The following NRG3 variants were observed in gnomAD, a reference collection of about 807,000 sequenced individuals.
NRG3 encodes neuregulin 3, also known as pro-neuregulin-3, membrane-bound isoform.
In NRG3, 31 loss-of-function variants were observed where a neutral mutation model predicts 66.9. That is an observed-to-expected ratio of 0.46 (90% CI 0.35 to 0.63). The LOEUF (loss-of-function observed/expected upper bound fraction) is 0.63. NRG3 is among the 20% of genes least tolerant of loss of function. The probability of loss-of-function intolerance (pLI) is 0.00; values close to 1 mark genes in which losing one functional copy is unlikely to be tolerated. For synonymous variants in NRG3, 393 were observed against 359.4 expected, an observed-to-expected ratio of 1.09 and a Z score of -1.06; for missense variants, 910 against 878.9, an observed-to-expected ratio of 1.04 and a Z score of -0.45.
At chr10:82,539,876 C>T (rs554973889) in intron 2 of NRG3, among the ~76,000 whole-genome samples, 2 of 152,254 alleles carry the variant, frequency 1.3e-5, no homozygotes, top group African/African-American at 4.8e-5. Context: ...TCGTGATCCA[C>T]CCACCTTGGC....
intron 5 of NRG3, among the ~76,000 whole-genome samples, chr10:82,953,524 C>A (rs1849729302): frequency 6.6e-6 from 1 of 151,958 alleles, no homozygotes; most frequent in Non-Finnish European, 1.5e-5. Context: ...CAGGGTTGTA[C>A]ACTAGTGAGT....
rs137919624 is a variant in NRG3, at chr10:82,952,453, GTC to G, written c.1157+900_1157+901del. The stretch of plus-strand genomic sequence containing the variant: ...AAAAAAAAAAAAAGTAGATATAAAC[GTC>G]TCTCTCTCTCTCTCTCTGTGTGTGT... On this transcript the variant is annotated intron_variant, in intron 5 of 8. Coordinates refer to ENST00000372141, the MANE Select transcript of NRG3 (RefSeq NM_001010848.4). Among the ~76,000 whole-genome samples, 418 of 111,552 alleles carry G rather than the reference GTC, an allele frequency of 3.7e-3. 10 individuals carry two copies. Among genetic ancestry groups the G allele is most frequent in the African/African-American group, 0.014 (404 of 28,186 alleles). 73.2% of individuals were successfully genotyped at this position (111,552 alleles called of 152,430 possible). A position where few individuals can be genotyped will look rare whatever the true frequency, so the allele number is the denominator to read the frequency against.
chr10:82,224,158 T>C (rs2076068224), intron 1 of NRG3: 1 of 152,212 alleles, frequency 6.6e-6, no homozygotes, highest in African/African-American at 2.4e-5. Context: ...CTGCAGAGTT[T>C]AGGCATTTAT....
chr10:82,442,439 G>A (rs2090478674), intron 2 of NRG3, among the ~76,000 whole-genome samples: 1 of 152,200 alleles, frequency 6.6e-6, no homozygotes, highest in South Asian at 2.1e-4. Flanking sequence ...GATCTCCAAT[G>A]TCAGTAAGAG....
chr10:82,484,059 G>T (rs911961692), intron 2 of NRG3, among the ~76,000 whole-genome samples: 13 of 152,106 alleles, frequency 8.5e-5, no homozygotes, highest in African/African-American at 9.7e-5. Context: ...AGACACGCTG[G>T]TTTTTTCTAT....
At chr10:81,947,938 CCT>C (rs1237271473) in intron 1 of NRG3, among the ~76,000 whole-genome samples, 1 of 152,022 alleles carries the variant, frequency 6.6e-6, no homozygotes, top group African/African-American at 2.4e-5. Flanking sequence ...TTAACTTCTC[CCT>C]CTGAGTGTGT....
rs563151896 is a variant in NRG3, at chr10:82,109,739, A to T, written c.823+233576A>T. ...AGTGACCATTTAGTGATTTTCAAAC[A>T]CTGTAACATGTAATTTCCTGAATCT... On this transcript the variant is annotated intron_variant, in intron 1 of 8. Transcript: ENST00000372141. 4.6e-5 allele frequency among the ~76,000 whole-genome samples: 7 copies of T among 152,238 alleles called. No homozygotes were observed. The East Asian group carries it at 1.2e-3, about 25-fold the overall frequency.
chr10:81,984,172 A>G (rs558920063), intron 1 of NRG3, among the ~76,000 whole-genome samples: 2 of 152,290 alleles, frequency 1.3e-5, no homozygotes, highest in East Asian at 3.9e-4. Flanking sequence ...CAGAGAGACC[A>G]TTTTTGAACT....
At chr10:81,914,493 G>T (rs113534703) in intron 1 of NRG3, among the ~76,000 whole-genome samples, 2,869 of 152,126 alleles carry the variant, frequency 0.019, 78 homozygotes, top group African/African-American at 0.063. Context: ...AGTACTTTGG[G>T]AGGCCGAGGC....
intron 2 of NRG3, among the ~76,000 whole-genome samples, chr10:82,443,622 T>G (rs1268629263): frequency 6.6e-6 from 1 of 152,332 alleles, no homozygotes; most frequent in African/African-American, 2.4e-5. Flanking sequence ...AAATCCAGTT[T>G]CCTCTTCTGT....
chr10:82,509,333 G>C (rs1844961177), intron 2 of NRG3, among the ~76,000 whole-genome samples: 1 of 152,142 alleles, frequency 6.6e-6, no homozygotes, highest in Admixed American at 6.5e-5. Context: ...ACCCAGGTGT[G>C]AAAAGTGTTG....
At chr10:82,764,375 T>TA (rs1555029987) in intron 3 of NRG3, among the ~76,000 whole-genome samples, 2 of 5,668 alleles carry the variant, frequency 3.5e-4, no homozygotes, top group Non-Finnish European at 4.3e-4. Context: ...CCTATGCAAA[T>TA]TTTTTTTTTT....
intron 1 of NRG3, among the ~76,000 whole-genome samples, chr10:81,883,253 G>C (rs1313009799): frequency 6.6e-6 from 1 of 152,076 alleles, no homozygotes; most frequent in African/African-American, 2.4e-5. Flanking sequence ...TTGTACTTTG[G>C]GGAACTTTAA....
chr10:82,493,487 T>A (rs569853479), intron 2 of NRG3, among the ~76,000 whole-genome samples: 1 of 152,300 alleles, frequency 6.6e-6, no homozygotes, highest in East Asian at 1.9e-4. Flanking sequence ...TGCATAGTAT[T>A]CCATGGTGTA....
chr10:82,675,168 G>C (rs576091497), intron 2 of NRG3, among the ~76,000 whole-genome samples: 63 of 152,140 alleles, frequency 4.1e-4, no homozygotes, highest in African/African-American at 1.4e-3. Flanking sequence ...TGTTGACGAG[G>C]CTGCTCTTGA....
rs376983618 is a variant in NRG3 at position 82,546,720 on chromosome 10, C to T, written c.953+187852C>T. ...CATCCATCTTCACTTAACTTTTCCA[C>T]TCATATATCATGCATGTGTAAATCA... On this transcript the variant is annotated intron_variant, in intron 2 of 8. Coordinates refer to ENST00000372141, the MANE Select transcript of NRG3 (RefSeq NM_001010848.4). Among the ~76,000 whole-genome samples the T allele has an allele frequency of 5.9e-5, 9 of 152,252 alleles. 1 individual carries two copies. Among genetic ancestry groups the T allele is most frequent in the African/African-American group, 2.2e-4 (9 of 41,550 alleles).
At chr10:82,697,526 T>C (rs1054079693) in intron 2 of NRG3, among the ~76,000 whole-genome samples, 1 of 152,168 alleles carries the variant, frequency 6.6e-6, no homozygotes, top group Non-Finnish European at 1.5e-5. Context: ...TGACCAGAGC[T>C]CAGAGATACA....
At chr10:82,680,558 C>T (rs914999586) in intron 2 of NRG3, among the ~76,000 whole-genome samples, 12 of 152,174 alleles carry the variant, frequency 7.9e-5, no homozygotes, top group Non-Finnish European at 1.8e-4. Context: ...ACCACTCTCC[C>T]GCCCTTGTCA....
intron 1 of NRG3, among the ~76,000 whole-genome samples, chr10:81,990,130 G>A (rs12255444): frequency 0.04 from 6,156 of 152,200 alleles, 430 homozygotes; most frequent in African/African-American, 0.14. Flanking sequence ...GTGATTGTCC[G>A]TATCTTTACT....
Sources: gnomAD v4.1 joint callset for allele counts (sites outside exome capture counted in the v4.1 genomes callset) on GRCh38, gnomAD v4.1.1 for gene constraint, MANE v1.5 for transcripts, NCBI Gene and HGNC (gene_info 2026-07-23, HGNC 2026-07-21) for gene names.